AKAP13: variants seen among roughly 807,000 people sequenced by gnomAD.
AKAP13 encodes A-kinase anchor protein 13.
AKAP13 carries 80 observed loss-of-function variants against 264.5 expected under a neutral mutation model. The observed-to-expected ratio is 0.30, with a 90% CI of 0.25 to 0.36. The LOEUF (loss-of-function observed/expected upper bound fraction) is 0.36. AKAP13 is among the 10% of genes least tolerant of loss of function. AKAP13 has a pLI of 1.00. For synonymous variants in AKAP13, 1,380 were observed against 1,250.2 expected (o/e 1.10, Z -2.19); for missense variants, 3,712 against 3,435.2 (o/e 1.08, Z -2.01).
At chr15:85,467,795 G>T (rs1363366750) in intron 1 of AKAP13, among the ~76,000 whole-genome samples, 2 of 152,184 alleles carry the variant, frequency 1.3e-5, no homozygotes, top group Non-Finnish European at 2.9e-5. Flanking sequence ...CATTTCAGGG[G>T]TTGATATTTC....
At chr15:85,516,884 T>A (rs1213159110) in intron 2 of AKAP13, among the ~76,000 whole-genome samples, 1 of 152,212 alleles carries the variant, frequency 6.6e-6, no homozygotes, top group African/African-American at 2.4e-5. Context: ...CTGGATACAA[T>A]AGATACAAAC....
At chr15:85,608,857 A>G (rs957761547) in intron 8 of AKAP13, among the ~76,000 whole-genome samples, 5 of 152,218 alleles carry the variant, frequency 3.3e-5, no homozygotes, top group African/African-American at 1.2e-4. Context: ...GGATGAAGCT[A>G]AAGACTTTTG....
intron 16 of AKAP13, chr15:85,685,326 C>G (rs419216): frequency 0.62 from 94,473 of 152,398 alleles, 29,380 homozygotes; most frequent in Middle Eastern, 0.73. Context: ...TTATATTTGG[C>G]TTTAGAGGGA....
intron 1 of AKAP13, among the ~76,000 whole-genome samples, chr15:85,391,771 T>C (rs369669061): frequency 8.7e-5 from 13 of 150,058 alleles, no homozygotes; most frequent in Middle Eastern, 3.6e-3. Context: ...AGGTGTGAGC[T>C]ATTGCACCTG....
chr15:85,664,533 A>G (rs745718776), intron 12 of AKAP13, 30 bp from the exon 13 acceptor site: 21 of 1,567,688 alleles, frequency 1.3e-5, no homozygotes, highest in Admixed American at 1.8e-5. Context: ...CCAGAAATAG[A>G]ATGAATTAAC....
chr15:85,442,514 A>G lies in AKAP13; in HGVS notation c.-11-43196A>G, dbSNP rs918600364. On this transcript the variant is annotated intron_variant, in intron 1 of 36. Coordinates refer to ENST00000394518, the MANE Select transcript of AKAP13 (RefSeq NM_007200.5). ...TAATATATATTATATTATATATAAT[A>G]TATATTATATTATATATAATATATA... is the stretch of plus-strand genomic sequence containing the variant. Among the ~76,000 whole-genome samples the G allele has an allele frequency of 3.1e-3, 347 of 111,448 alleles. 1 individual carries two copies. The highest frequency in any genetic ancestry group is 4.6e-3 in the Non-Finnish European group (248 of 53,560). 73.1% of individuals were successfully genotyped at this position (111,448 alleles called of 152,430 possible).
At chr15:85,700,544 G>T (rs781744149) in intron 17 of AKAP13, among the ~76,000 whole-genome samples, 8 of 152,184 alleles carry the variant, frequency 5.3e-5, no homozygotes, top group Non-Finnish European at 1.2e-4. Flanking sequence ...CTGTAGGAAA[G>T]GTTTGAGGGT....
Position 85,741,482 on chromosome 15 carries a change from G to C in AKAP13, c.8045G>C (p.Arg2682Pro). Residue 2682 changes from arginine to proline, a missense_variant, in exon 35 of 37, where the codon CGG (arginine) becomes CCG (proline). Physicochemically the swap from Arg to Pro is moderately radical, Grantham distance 103. Around this residue, in one of 3 missense-constraint regions of AKAP13, gnomAD observed 611 missense variants for 539.3 expected, o/e 1.13. Coordinates refer to ENST00000394518, the MANE Select transcript of AKAP13 (RefSeq NM_007200.5). ...CGGCTCAGCCAGCGGCAGACAGAAC[G>C]GGACCTGTGTCAGGTAATGGGACTC... ...AERLSQRQTE[R>P]DLCQVSHPHT... The C allele has an allele frequency of 6.3e-7, 1 of 1,592,778 alleles. No individual in the cohort carries two copies.
chr15:85,732,177 T>C (rs2088098039), intron 30 of AKAP13, among the ~76,000 whole-genome samples: 1 of 152,182 alleles, frequency 6.6e-6, no homozygotes, highest in African/African-American at 2.4e-5. Flanking sequence ...CACCTCTTTC[T>C]TTGGCTTCTA....
chr15:85,487,011 C>T (rs548391207), intron 2 of AKAP13, among the ~76,000 whole-genome samples: 10 of 152,098 alleles, frequency 6.6e-5, no homozygotes, highest in Non-Finnish European at 1.3e-4. Context: ...GGATTACAGG[C>T]GTGAGCCACA....
chr15:85,707,359 T>C (rs2151687488), intron 17 of AKAP13, among the ~76,000 whole-genome samples: 1 of 152,290 alleles, frequency 6.6e-6, no homozygotes, highest in Admixed American at 6.5e-5. Flanking sequence ...GGTTTCTGCT[T>C]TATCTTTCAA....
intron 34 of AKAP13, 84 bp from the exon 35 acceptor site, chr15:85,740,962 C>T (rs895325736): frequency 6.6e-7 from 1 of 1,516,458 alleles, no homozygotes; most frequent in African/African-American, 1.4e-5. Context: ...TGCCTGGTGC[C>T]CCCTGCTGTG....
At chr15:85,723,403 C>A in intron 26 of AKAP13, 83 bp downstream of exon 26, 1 of 1,553,456 alleles carries the variant, frequency 6.4e-7, no homozygotes, top group Non-Finnish European at 8.7e-7. Flanking sequence ...AATTCACTAC[C>A]AGATTTTTTT....
At chr15:85,412,003 A>G (rs2071994385) in intron 1 of AKAP13, among the ~76,000 whole-genome samples, 1 of 152,358 alleles carries the variant, frequency 6.6e-6, no homozygotes, top group Non-Finnish European at 1.5e-5. Flanking sequence ...TAATGATATT[A>G]ACAAATGTGA....
intron 7 of AKAP13, among the ~76,000 whole-genome samples, 171 bp downstream of exon 7, chr15:85,582,278 G>T (rs964851191): frequency 6.6e-6 from 1 of 152,120 alleles, no homozygotes; most frequent in Non-Finnish European, 1.5e-5. Flanking sequence ...TCATCTCAGG[G>T]TTGGACAGAT....
intron 7 of AKAP13, chr15:85,582,819 T>A: frequency 1.0e-6 from 1 of 971,168 alleles, no homozygotes. Flanking sequence ...GATGCAGGAT[T>A]TCCGCCCAAG....
intron 1 of AKAP13, among the ~76,000 whole-genome samples, chr15:85,468,247 G>T (rs1378409775): frequency 6.6e-6 from 1 of 152,116 alleles, no homozygotes; most frequent in African/African-American, 2.4e-5. Context: ...CTTTGAAATA[G>T]CCTGAGTATA....
chr15:85,593,930 A>G (rs2079694621), intron 8 of AKAP13, among the ~76,000 whole-genome samples: 1 of 152,324 alleles, frequency 6.6e-6, no homozygotes, highest in Middle Eastern at 3.4e-3. Context: ...TCATTTATTT[A>G]GAGGCTGTTT....
chr15:85,709,196 CT>C (rs1429679085), intron 18 of AKAP13, among the ~76,000 whole-genome samples: 2 of 152,196 alleles, frequency 1.3e-5, no homozygotes, highest in African/African-American at 2.4e-5. Context: ...CCTTGGCTCC[CT>C]GATATTTCCC....
Sources: allele counts gnomAD v4.1 joint callset (sites outside exome capture counted in the v4.1 genomes callset), GRCh38; gene constraint gnomAD v4.1.1; regional missense constraint gnomAD v4.1.1; transcripts MANE v1.5; gene names NCBI Gene and HGNC (gene_info 2026-07-23, HGNC 2026-07-21).